Variants in PI4KA observed in about 807,000 individuals in gnomAD.
PI4KA encodes phosphatidylinositol 4-kinase alpha.
PI4KA carries 122 observed loss-of-function variants against 271.4 expected under a neutral mutation model. The ratio of observed to expected loss-of-function variants is 0.45; its 90% CI spans 0.39 to 0.52. The LOEUF (loss-of-function observed/expected upper bound fraction) is 0.52, where lower values mean the gene tolerates loss of function less well. PI4KA is among the 20% of genes least tolerant of loss of function. The pLI, the probability that PI4KA is intolerant of heterozygous loss-of-function variation, is 0.00. For missense variants in PI4KA, 1,969 were observed against 2,769.1 expected, an observed-to-expected ratio of 0.71 and a Z score of 6.48; for synonymous variants, 1,041 against 1,078.8, an observed-to-expected ratio of 0.96 and a Z score of 0.69.
chr22:20,819,548 G>T, intron 6 of PI4KA, 93 bp downstream of exon 6: 1 of 1,192,850 alleles, frequency 8.4e-7, no homozygotes, highest in Non-Finnish European at 1.2e-6. Context: ...CGTTACTTAA[G>T]TTTACTCCAA....
Position 20,752,951 on chromosome 22 carries a change from T to C in PI4KA, c.2939A>G (p.Lys980Arg). ...CTTGTCTGCCACCCTCCTTATCCTC[T>C]TGTGGATGTGGTTGAAGTTCACCAA... The part of the protein sequence containing the change: ...FLLVNFNHIH[K>R]RIRRVADKYL... Residue 980 changes from lysine to arginine, a missense_variant, in exon 25 of 55, where the codon AAG (lysine) becomes AGG (arginine). Transcript: ENST00000255882. The C allele has an allele frequency of 6.2e-7, 1 of 1,614,138 alleles. No homozygotes were observed. The highest frequency in any genetic ancestry group is 8.5e-7 in the Non-Finnish European group (1 of 1,179,970).
intron 2 of PI4KA, among the ~76,000 whole-genome samples, chr22:20,836,035 G>C (rs1342292988): frequency 6.8e-6 from 1 of 148,118 alleles, no homozygotes; most frequent in Non-Finnish European, 1.5e-5. Flanking sequence ...CTGGGCGACA[G>C]AGAGAGACTC....
intron 17 of PI4KA, 155 bp downstream of exon 17, chr22:20,798,429 T>C (rs1361781614): frequency 1.4e-5 from 9 of 622,006 alleles, no homozygotes; most frequent in East Asian, 2.8e-5. Context: ...GGGGGCCACA[T>C]TGGGTTTTCA....
intron 52 of PI4KA, chr22:20,710,215 G>A (rs1370844510): frequency 4.9e-6 from 3 of 615,846 alleles, no homozygotes; most frequent in Admixed American, 2.7e-5. Context: ...CTCTGGACAG[G>A]CTGAGTGTCC....
chr22:20,807,349 A>C lies in PI4KA; in HGVS notation c.1168+13T>G. 1.3e-6 allele frequency: 2 copies of C among 1,559,174 alleles called. No individual in the cohort carries two copies. The highest frequency in any genetic ancestry group is 1.8e-6 in the Non-Finnish European group (2 of 1,129,902). On this transcript the variant is annotated intron_variant, in intron 10 of 54. Transcript: ENST00000255882. The stretch of plus-strand genomic sequence containing the variant: ...TTGCTGTACTCACAAACACATGGGC[A>C]AACTGTCCTCACCCTTCATGTAGTA...
rs577779406 is a variant in PI4KA, at chr22:20,727,287, G to A, written c.4884C>T (p.Tyr1628=). The A allele has an allele frequency of 1.2e-6, 2 of 1,613,258 alleles. No homozygotes were observed. Among genetic ancestry groups the A allele is most frequent in the Non-Finnish European group, 1.7e-6 (2 of 1,179,954 alleles). ...ACTGCGCCGTGAGAGGGTGCGGCGG[G>A]TACATGCTGGAGAAGTAGGAGAGGC... ...PTGLSYFSSM[Y]PPHPLTAQYG... Residue 1628 remains tyrosine (Y), a synonymous_variant, in exon 41 of 55, where the codon TAC becomes TAT. Coordinates refer to ENST00000255882, the MANE Select transcript of PI4KA (RefSeq NM_058004.4).
rs1339596198 is a variant in PI4KA at position 20,750,907 on chromosome 22, T to G, written c.3153+386A>C. Among the ~76,000 whole-genome samples, 5 of 152,190 alleles carry G rather than the reference T, an allele frequency of 3.3e-5. No individual in the cohort carries two copies. In the East Asian group the frequency reaches 9.6e-4, roughly 29 times the overall value. ...ACAAGTCAAAGGCATGATCCCCTAT[T>G]ACCACAATAACAAAATGTCAGTGCA... is the stretch of plus-strand genomic sequence containing the variant. On this transcript the variant is annotated intron_variant, in intron 27 of 54. Transcript: ENST00000255882.
chr22:20,765,355 C>T (rs1932426517), intron 20 of PI4KA, 119 bp from the exon 21 acceptor site: 5 of 1,124,570 alleles, frequency 4.4e-6, no homozygotes, highest in Non-Finnish European at 6.4e-6. Context: ...AAACTAGGCA[C>T]AGAAACGAAG....
At chr22:20,787,088 A>C in intron 19 of PI4KA, 1 of 1,608,608 alleles carries the variant, frequency 6.2e-7, no homozygotes, top group Non-Finnish European at 8.5e-7. Context: ...TAGGTGTCTG[A>C]AGTGCCTTGG....
intron 1 of PI4KA, among the ~76,000 whole-genome samples, chr22:20,853,283 T>C (rs1055592740): frequency 2.0e-5 from 3 of 152,100 alleles, no homozygotes; most frequent in African/African-American, 4.8e-5. Context: ...GAGGGCCCAC[T>C]GGTTTAATAC....
At chr22:20,803,106 G>C in intron 13 of PI4KA, 85 bp downstream of exon 13, 1 of 1,401,830 alleles carries the variant, frequency 7.1e-7, no homozygotes, top group Non-Finnish European at 1.0e-6. Flanking sequence ...ATGCACCCAG[G>C]TACAGTCATG....
chr22:20,761,532 G>A (rs1474454922), intron 22 of PI4KA, 146 bp from the exon 23 acceptor site: 1 of 649,332 alleles, frequency 1.5e-6, no homozygotes, highest in African/African-American at 1.8e-5. Context: ...ACTTTTTGGA[G>A]GGTGAGGTGC....
intron 19 of PI4KA, among the ~76,000 whole-genome samples, chr22:20,783,771 G>C (rs1456746860): frequency 6.6e-6 from 1 of 152,176 alleles, no homozygotes; most frequent in African/African-American, 2.4e-5. Flanking sequence ...AACTATTCCA[G>C]TCCGGGTAAC....
chr22:20,807,499 G>T, intron 9 of PI4KA, 41 bp from the exon 10 acceptor site: 2 of 1,161,478 alleles, frequency 1.7e-6, no homozygotes, highest in Non-Finnish European at 2.6e-6. Context: ...GAACAGAAAT[G>T]CCCTTCTGCC....
intron 16 of PI4KA, 172 bp downstream of exon 16, chr22:20,798,921 T>C: frequency 1.6e-6 from 1 of 638,842 alleles, no homozygotes; most frequent in Non-Finnish European, 2.7e-6. Context: ...AACCTCTTTT[T>C]CCCCAGCACT....
In PI4KA at chr22:20,765,699, G is replaced by A. The variant is rs1429763243; in HGVS notation, c.2329-6C>T. The A allele has an allele frequency of 4.4e-6, 7 of 1,590,578 alleles. No individual in the cohort carries two copies. The Admixed American group carries it at 8.4e-5, about 19-fold the overall frequency. On this transcript the variant is annotated splice_polypyrimidine_tract_variant and splice_region_variant and intron_variant, in intron 19 of 54. Coordinates refer to ENST00000255882, the MANE Select transcript of PI4KA (RefSeq NM_058004.4). Reference sequence around the variant, plus strand: ...GGTGGCAGTCGTCGGGTGAGCTGATGTGCCAAGAAGAGAGGGAGAAAGGAG... The same window carrying A: ...GGTGGCAGTCGTCGGGTGAGCTGATATGCCAAGAAGAGAGGGAGAAAGGAG...
At chr22:20,856,204 C>A (rs1362432063) in intron 1 of PI4KA, among the ~76,000 whole-genome samples, 2 of 152,076 alleles carry the variant, frequency 1.3e-5, no homozygotes, top group Non-Finnish European at 2.9e-5. Flanking sequence ...CCCAGCTACT[C>A]AGGAGGCTAC....
At chr22:20,802,252 G>T in intron 13 of PI4KA, 147 bp from the exon 14 acceptor site, 1 of 637,720 alleles carries the variant, frequency 1.6e-6, no homozygotes, top group Non-Finnish European at 2.7e-6. Context: ...ATTTCAGAAA[G>T]AGAAGAGTCT....
rs1568946141 is a variant in PI4KA, at chr22:20,714,513, T to C, written c.5406A>G (p.Pro1802=). The C allele has an allele frequency of 1.9e-6, 3 of 1,613,652 alleles. No homozygotes were observed. In the South Asian group the frequency reaches 3.3e-5, roughly 18 times the overall value. The change falls in exon 47 of 55, where the codon CCA becomes CCG. Residue 1802 remains proline, a synonymous_variant. Coordinates refer to ENST00000255882, the MANE Select transcript of PI4KA (RefSeq NM_058004.4). The part of the protein sequence containing the change: ...GTPMQSAAKA[P]YLAKFKVKRC... ...GCTTCACCTTGAACTTGGCCAGATA[T>C]GGGGCTTTTGCAGCACTGAAAACAA...
Sources: allele counts gnomAD v4.1 joint callset (sites outside exome capture counted in the v4.1 genomes callset), GRCh38; gene constraint gnomAD v4.1.1; transcripts MANE v1.5; gene names NCBI Gene and HGNC (gene_info 2026-07-23, HGNC 2026-07-21).